Variants in PATZ1 observed in about 807,000 individuals in gnomAD.
The protein encoded by PATZ1 is POZ/BTB and AT hook containing zinc finger 1, also known as POZ-, AT hook-, and zinc finger-containing protein 1.
PATZ1 carries 9 observed loss-of-function variants against 46.2 expected under a neutral mutation model. That is an observed-to-expected ratio of 0.19 (90% CI 0.12 to 0.34). PATZ1 has a LOEUF of 0.34. PATZ1 is among the 10% of genes least tolerant of loss of function. The probability of loss-of-function intolerance (pLI) is 1.00; values close to 1 mark genes in which losing one functional copy is unlikely to be tolerated. For synonymous variants in PATZ1, 426 were observed against 378.6 expected (o/e 1.13, Z -1.45); for missense variants, 632 against 923.0 (o/e 0.68, Z 4.08).
chr22:31,338,176 T>TA (rs2049535533), intron 2 of PATZ1, among the ~76,000 whole-genome samples: 1 of 152,072 alleles, frequency 6.6e-6, no homozygotes, highest in Non-Finnish European at 1.5e-5. Flanking sequence ...CCCAGGCCAG[T>TA]ACTTTACCAA....
chr22:31,326,592 C>G lies in PATZ1; in HGVS notation c.*299G>C, dbSNP rs2049372435. 1 of 334,292 alleles carries G rather than the reference C, an allele frequency of 3.0e-6. No homozygotes were observed. The highest frequency in any genetic ancestry group is 4.8e-5 in the East Asian group (1 of 20,960). 20.7% of individuals were successfully genotyped at this position (334,292 alleles called of 1,614,324 possible). ...CACTAAGAATTGAGCACCAGGAATT[C>G]CAGCTTCTTCCCATTAAAGAAACTG... On this transcript the variant is annotated 3_prime_UTR_variant, in exon 5 of 5. Coordinates refer to ENST00000266269, the MANE Select transcript of PATZ1 (RefSeq NM_014323.3).
chr22:31,333,939 C>G (rs1014691416), intron 3 of PATZ1, among the ~76,000 whole-genome samples: 1 of 152,198 alleles, frequency 6.6e-6, no homozygotes, highest in African/African-American at 2.4e-5. Flanking sequence ...GGCTGTAGCC[C>G]TGGGTCTCCT....
At chr22:31,339,903 C>T (rs965087337) in intron 2 of PATZ1, among the ~76,000 whole-genome samples, 1 of 152,198 alleles carries the variant, frequency 6.6e-6, no homozygotes, top group East Asian at 1.9e-4. Context: ...CAGGCAGCCT[C>T]AGGGGTAGTC....
In PATZ1 at chr22:31,344,469, A is replaced by T; in HGVS notation, c.1134T>A (p.Ser378=). Residue 378 remains serine (S), a synonymous_variant, in exon 1 of 5, where the codon TCT becomes TCA. Transcript: ENST00000266269. The stretch of plus-strand genomic sequence containing the variant: ...CAGGGCAGGAGTAGGGCTTCTCCCC[A>T]GAGTGGGACAGCTTGTGCCGGTTAA... The part of the protein sequence containing the change: ...YHLNRHKLSH[S]GEKPYSCPVC... 6.2e-7 allele frequency: 1 copy of T among 1,614,240 alleles called. No individual in the cohort carries two copies.
chr22:31,331,966 C>A (rs992215673), intron 3 of PATZ1, among the ~76,000 whole-genome samples: 3 of 152,038 alleles, frequency 2.0e-5, no homozygotes, highest in Non-Finnish European at 4.4e-5. Context: ...CAAAATTAGC[C>A]GGGCGTGGTG....
chr22:31,332,464 C>A (rs1368992289), intron 3 of PATZ1, among the ~76,000 whole-genome samples: 2 of 152,262 alleles, frequency 1.3e-5, no homozygotes, highest in African/African-American at 4.8e-5. Flanking sequence ...CCACTACAAC[C>A]AACAAGCCAC....
intron 2 of PATZ1, chr22:31,341,538 A>C: frequency 6.2e-7 from 1 of 1,613,956 alleles, no homozygotes; most frequent in Non-Finnish European, 8.5e-7. Context: ...AAGGGCTGGG[A>C]ATGATTTTTT....
chr22:31,328,917 G>A lies in PATZ1; in HGVS notation c.1515C>T (p.Ser505=). 1.2e-6 allele frequency: 2 copies of A among 1,613,568 alleles called. No individual in the cohort carries two copies. The highest frequency in any genetic ancestry group is 1.7e-6 in the Non-Finnish European group (2 of 1,179,696). ...NFCSICNRGF[S]SASYLKVHVK... ...CATGGACCTTTAAGTAGGAGGCAGA[G>A]GAGAAACCTAAACAAGACAAAAGGA... The change falls in exon 4 of 5, where the codon TCC becomes TCT. Residue 505 remains serine, a synonymous_variant. Transcript: ENST00000266269. This position sits in a 1 kb window ranked among gnomAD's most constrained non-coding sequence, Gnocchi z 4.8.
intron 3 of PATZ1, 33 bp downstream of exon 3, chr22:31,335,659 C>G (rs1323053365): frequency 6.2e-7 from 1 of 1,605,276 alleles, no homozygotes; most frequent in African/African-American, 1.3e-5. Context: ...TCAGGCCCAT[C>G]CTCTGGAAGT....
Position 31,344,529 on chromosome 22 carries a change from C to G in PATZ1, c.1074G>C (p.Glu358Asp). 1.9e-6 allele frequency: 3 copies of G among 1,614,244 alleles called. No individual in the cohort carries two copies. In the East Asian group the frequency reaches 6.7e-5, roughly 36 times the overall value. ...RSRTRKQVAC[E>D]ICGKIFRDVY... ...CATCACGGAAGATCTTGCCGCAGAT[C>G]TCACAAGCCACCTGCTTCCTGGTCC... Residue 358 changes from glutamate to aspartate, a missense_variant, in exon 1 of 5, where the codon GAG becomes GAC. Glu to Asp is a conservative substitution (Grantham distance 45). This residue lies in a region of PATZ1 where 279 missense variants were observed against 284.3 expected (regional missense o/e 0.98). Transcript: ENST00000266269.
At position 31,328,279 on chromosome 22, in the gene PATZ1, G is replaced by A. The variant is rs1380267568; in HGVS notation, c.1645+508C>T. Among the ~76,000 whole-genome samples the A allele has an allele frequency of 6.6e-6, 1 of 152,188 alleles. No individual in the cohort carries two copies. The highest frequency in any genetic ancestry group is 1.5e-5 in the Non-Finnish European group (1 of 68,028). ...GAGTCAGATAGCTCATTATTGCCAT[G>A]CATCTCACAACCATAGCCAGAGGCT... On this transcript the variant is annotated intron_variant, in intron 4 of 4. Transcript: ENST00000266269. The surrounding 1 kb of genome is among the most constrained non-coding windows in gnomAD (Gnocchi z 4.8).
chr22:31,343,022 A>G, intron 1 of PATZ1, 62 bp from the exon 2 acceptor site: 1 of 1,611,038 alleles, frequency 6.2e-7, no homozygotes, highest in Non-Finnish European at 8.5e-7. Flanking sequence ...ACACAGGCAC[A>G]TATGCATACG....
intron 3 of PATZ1, 90 bp downstream of exon 3, chr22:31,335,602 A>T: frequency 8.2e-7 from 1 of 1,223,208 alleles, no homozygotes; most frequent in Non-Finnish European, 1.2e-6. Flanking sequence ...CAAAGAGTGG[A>T]GTCTGAGGCA....
At chr22:31,330,088 G>A (rs1202621521) in intron 3 of PATZ1, among the ~76,000 whole-genome samples, 1 of 152,194 alleles carries the variant, frequency 6.6e-6, no homozygotes, top group East Asian at 1.9e-4. Flanking sequence ...GTCAGAGGCT[G>A]AAGAGTACTG....
At position 31,325,938 on chromosome 22, in the gene PATZ1, T is replaced by C; in HGVS notation, c.*953A>G. ...CCTGCCGGCTGTCCCACCTTCCTGG[T>C]TCCCAACAGCATTGAAACCCCCTAC... On this transcript the variant is annotated 3_prime_UTR_variant, in exon 5 of 5. Transcript: ENST00000266269. 4.6e-6 allele frequency: 1 copy of C among 215,326 alleles called. No homozygotes were observed. Among genetic ancestry groups the C allele is most frequent in the Non-Finnish European group, 9.4e-6 (1 of 106,492 alleles). The allele number at this position is 215,326 out of a possible 1,614,324, so 13.3% of individuals were successfully genotyped here. A position where few individuals can be genotyped will look rare whatever the true frequency, so the allele number is the denominator to read the frequency against.
At chr22:31,341,747 C>G in intron 2 of PATZ1, 1 of 1,445,850 alleles carries the variant, frequency 6.9e-7, no homozygotes, top group Non-Finnish European at 9.4e-7. Flanking sequence ...CCACTGCCCT[C>G]TGGGCTCCTC....
At chr22:31,343,472 C>G (rs1485306327) in intron 1 of PATZ1, 3 of 985,228 alleles carry the variant, frequency 3.0e-6, no homozygotes, top group Non-Finnish European at 3.6e-6. Context: ...AAGCCAGATG[C>G]CCGCCTGAGC....
chr22:31,327,076 C>G lies in PATZ1; in HGVS notation c.1879G>C (p.Val627Leu). The G allele has an allele frequency of 6.2e-7, 1 of 1,614,180 alleles. No homozygotes were observed. The highest frequency in any genetic ancestry group is 8.5e-7 in the Non-Finnish European group (1 of 1,180,032). Reference protein sequence around the residue: ...KSYLNKHIQKVHVRALGGPLG... With the variant: ...KSYLNKHIQKLHVRALGGPLG... ...GGGCCCCCGAGAGCCCGGACATGCACCTTCTGGATGTGTTTGTTCAAGTAG... is the reference window on the plus strand; with the variant it reads ...GGGCCCCCGAGAGCCCGGACATGCAGCTTCTGGATGTGTTTGTTCAAGTAG... The change falls in exon 5 of 5, where the codon GTG becomes CTG. Residue 627 changes from valine (V) to leucine (L), a missense_variant. Physicochemically the swap from Val to Leu is conservative, Grantham distance 32. Transcript: ENST00000266269. This position sits in a 1 kb window ranked among gnomAD's most constrained non-coding sequence, Gnocchi z 4.2.
rs2145832791 is a variant in PATZ1, at chr22:31,346,099, G to A, written c.-497C>T. 6.5e-6 allele frequency: 1 copy of A among 153,300 alleles called. No homozygotes were observed. The highest frequency in any genetic ancestry group is 1.4e-5 in the Non-Finnish European group (1 of 69,016). 9.5% of individuals were successfully genotyped at this position (153,300 alleles called of 1,614,324 possible). A position where few individuals can be genotyped will look rare whatever the true frequency, so the allele number is the denominator to read the frequency against. On this transcript the variant is annotated 5_prime_UTR_variant, in exon 1 of 5. Transcript: ENST00000266269. ...CTGCGTCCCCTGCAAAGCGCGAGCC[G>A]GGGCGGGGGCGCCGGAGCGGAGGAA... is the stretch of plus-strand genomic sequence containing the variant.
Sources: allele counts gnomAD v4.1 joint callset (sites outside exome capture counted in the v4.1 genomes callset), GRCh38; gene constraint gnomAD v4.1.1; regional missense constraint gnomAD v4.1.1; non-coding constraint Gnocchi (gnomAD v3.1); transcripts MANE v1.5; gene names NCBI Gene and HGNC (gene_info 2026-07-23, HGNC 2026-07-21).